The following KCTD8 variants were observed in gnomAD, a reference collection of about 807,000 sequenced individuals.
KCTD8 encodes the protein BTB/POZ domain-containing protein KCTD8.
A neutral mutation model predicts 31.5 loss-of-function variants in KCTD8; 27 were observed. That is an observed-to-expected ratio of 0.86 (90% confidence interval 0.63 to 1.18). KCTD8 has a LOEUF of 1.18. Ranked by LOEUF, KCTD8 falls within the 50% of genes most tolerant of loss-of-function variation. KCTD8 has a pLI of 0.00. For synonymous variants in KCTD8, 290 were observed against 280.0 expected, an observed-to-expected ratio of 1.04 and a Z score of -0.36; for missense variants, 658 against 647.7, an observed-to-expected ratio of 1.02 and a Z score of -0.17.
rs1466414133 is a variant in KCTD8, at chr4:44,174,997, G to T, written c.1215C>A (p.Asp405Glu). ...KAPVQWIPPP[D>E]KRRNSELFQT... ...GAAAGAGTTCACTGTTTCTGCGTTT[G>T]TCTGGTGGGGGTATCCATTGTACAG... The change falls in exon 2 of 2, where the codon GAC becomes GAA. Residue 405 changes from aspartate (D) to glutamate (E), a missense_variant. Asp to Glu is a conservative substitution (Grantham distance 45). Coordinates refer to ENST00000360029, the MANE Select transcript of KCTD8 (RefSeq NM_198353.3). 1 of 1,614,090 alleles carries T rather than the reference G, an allele frequency of 6.2e-7. No homozygotes were observed. Among genetic ancestry groups the T allele is most frequent in the Admixed American group, 1.7e-5 (1 of 60,022 alleles).
intron 1 of KCTD8, among the ~76,000 whole-genome samples, chr4:44,244,859 G>T (rs1023626734): frequency 7.6e-5 from 11 of 144,672 alleles, no homozygotes; most frequent in East Asian, 2.2e-4. Flanking sequence ...GGGGGGGGGG[G>T]GTCTTCATTT....
chr4:44,179,384 G>A (rs1384406689), intron 1 of KCTD8, among the ~76,000 whole-genome samples: 2 of 151,084 alleles, frequency 1.3e-5, no homozygotes, highest in African/African-American at 4.9e-5. Flanking sequence ...ATGAAGAAAA[G>A]GGGAACCTGA....
intron 1 of KCTD8, among the ~76,000 whole-genome samples, chr4:44,261,181 A>G (rs1716150336): frequency 6.6e-6 from 1 of 151,980 alleles, no homozygotes; most frequent in Non-Finnish European, 1.5e-5. Context: ...CTGGTGAACT[A>G]ATGGTAGTGT....
intron 1 of KCTD8, among the ~76,000 whole-genome samples, chr4:44,218,427 C>T (rs1388840871): frequency 6.6e-6 from 1 of 151,390 alleles, no homozygotes; most frequent in African/African-American, 2.4e-5. Context: ...AGCCACTGTG[C>T]CCAGTCTAAA....
intron 1 of KCTD8, among the ~76,000 whole-genome samples, chr4:44,446,379 G>GT (rs1471677618): frequency 1.3e-5 from 2 of 152,228 alleles, no homozygotes; most frequent in Admixed American, 6.5e-5. Context: ...CTACAGGCAA[G>GT]TTTTAACTTG....
chr4:44,334,819 T>A (rs916015893), intron 1 of KCTD8, among the ~76,000 whole-genome samples: 2 of 152,142 alleles, frequency 1.3e-5, no homozygotes, highest in African/African-American at 4.8e-5. Flanking sequence ...AAATACACTT[T>A]GGAAATTTTG....
chr4:44,198,116 A>T (rs546802670), intron 1 of KCTD8, among the ~76,000 whole-genome samples: 5 of 152,078 alleles, frequency 3.3e-5, no homozygotes, highest in Admixed American at 6.5e-5. Flanking sequence ...AAAATGAATT[A>T]AAAAAAATAA....
chr4:44,177,800 T>A (rs1279941331), intron 1 of KCTD8, among the ~76,000 whole-genome samples: 6 of 152,294 alleles, frequency 3.9e-5, no homozygotes, highest in Admixed American at 2.6e-4. Context: ...TAATACAGGT[T>A]TTAACCATTT....
intron 1 of KCTD8, among the ~76,000 whole-genome samples, chr4:44,380,573 G>A (rs923908318): frequency 6.6e-6 from 1 of 151,650 alleles, no homozygotes; most frequent in African/African-American, 2.4e-5. Context: ...TATTTAAAAT[G>A]TTGACAAATT....
At chr4:44,181,407 G>C (rs544039226) in intron 1 of KCTD8, among the ~76,000 whole-genome samples, 2 of 152,148 alleles carry the variant, frequency 1.3e-5, no homozygotes, top group African/African-American at 2.4e-5. Flanking sequence ...CACCACGCCT[G>C]ACTGGTTTTC....
At chr4:44,438,231 T>A (rs1721725037) in intron 1 of KCTD8, among the ~76,000 whole-genome samples, 1 of 152,174 alleles carries the variant, frequency 6.6e-6, no homozygotes, top group Non-Finnish European at 1.5e-5. Flanking sequence ...TCAGAGTGGT[T>A]TCAATTAGAG....
chr4:44,283,799 G>A (rs1716976225), intron 1 of KCTD8, among the ~76,000 whole-genome samples: 2 of 152,242 alleles, frequency 1.3e-5, no homozygotes, highest in East Asian at 3.9e-4. Flanking sequence ...CAAAATCAAT[G>A]TGCAAAAATC....
chr4:44,321,929 A>AT (rs1391792006), intron 1 of KCTD8, among the ~76,000 whole-genome samples: 1 of 150,948 alleles, frequency 6.6e-6, no homozygotes, highest in Non-Finnish European at 1.5e-5. Flanking sequence ...AAGTGACAGG[A>AT]TTTTATTCTT....
chr4:44,252,985 T>C (rs537950780), intron 1 of KCTD8, among the ~76,000 whole-genome samples: 1 of 151,900 alleles, frequency 6.6e-6, no homozygotes, highest in African/African-American at 2.4e-5. Flanking sequence ...CTTTAATGTA[T>C]TGATTCCATT....
intron 1 of KCTD8, among the ~76,000 whole-genome samples, chr4:44,347,019 G>A (rs1030477474): frequency 2.6e-5 from 4 of 152,134 alleles, no homozygotes; most frequent in African/African-American, 7.2e-5. Context: ...TCCAAGACAC[G>A]TTATATTGAA....
At chr4:44,255,903 G>A (rs1333400589) in intron 1 of KCTD8, among the ~76,000 whole-genome samples, 2 of 151,888 alleles carry the variant, frequency 1.3e-5, no homozygotes, top group African/African-American at 4.8e-5. Context: ...ATTAATATTT[G>A]ACTATTGTAT....
intron 1 of KCTD8, among the ~76,000 whole-genome samples, chr4:44,305,712 A>C (rs1184990177): frequency 2.6e-5 from 4 of 151,910 alleles, no homozygotes; most frequent in African/African-American, 9.7e-5. Context: ...AACATGATTG[A>C]TATAGTATAT....
intron 1 of KCTD8, among the ~76,000 whole-genome samples, chr4:44,417,911 G>T (rs1045907715): frequency 6.6e-6 from 1 of 152,026 alleles, no homozygotes; most frequent in African/African-American, 2.4e-5. Flanking sequence ...ATACTAATGG[G>T]ATTATCCAAC....
chr4:44,434,794 C>A (rs1180088345), intron 1 of KCTD8, among the ~76,000 whole-genome samples: 1 of 151,946 alleles, frequency 6.6e-6, no homozygotes, highest in Non-Finnish European at 1.5e-5. Flanking sequence ...GAGACCAGAT[C>A]TAGTGTGAAA....
Sources: gnomAD v4.1 joint callset for allele counts (sites outside exome capture counted in the v4.1 genomes callset) on GRCh38, gnomAD v4.1.1 for gene constraint, MANE v1.5 for transcripts, NCBI Gene and HGNC (gene_info 2026-07-23, HGNC 2026-07-21) for gene names.